The following PRKG1 variants were observed in gnomAD, a reference collection of about 807,000 sequenced individuals.
The protein encoded by PRKG1 is protein kinase cGMP-dependent 1, also known as cGMP-dependent protein kinase 1.
A neutral mutation model predicts 88.1 loss-of-function variants in PRKG1; 35 were observed. The ratio of observed to expected loss-of-function variants is 0.40; its 90% confidence interval spans 0.30 to 0.53. The LOEUF is 0.53. PRKG1 is among the 20% of genes least tolerant of loss of function. PRKG1 has a pLI of 0.59. For synonymous variants in PRKG1, 303 were observed against 292.5 expected, an observed-to-expected ratio of 1.04 and a Z score of -0.37; for missense variants, 540 against 839.8, an observed-to-expected ratio of 0.64 and a Z score of 4.41.
At chr10:51,079,238 G>T (rs1844044711) in intron 1 of PRKG1, among the ~76,000 whole-genome samples, 1 of 152,146 alleles carries the variant, frequency 6.6e-6, no homozygotes, top group African/African-American at 2.4e-5. Context: ...TGAACAAGGG[G>T]TTAACAATAC....
chr10:51,448,374 T>TA (rs1371534185), intron 2 of PRKG1, among the ~76,000 whole-genome samples: 2 of 152,108 alleles, frequency 1.3e-5, no homozygotes, highest in Non-Finnish European at 2.9e-5. Context: ...ATCCACATCT[T>TA]ACCACAGATG....
In PRKG1 at chr10:51,409,625, A is replaced by T. The variant is rs926523902; in HGVS notation, c.479-58098A>T. Among the ~76,000 whole-genome samples the T allele has an allele frequency of 3.9e-5, 6 of 151,908 alleles. No individual in the cohort carries two copies. In the South Asian group the frequency reaches 6.2e-4, roughly 16 times the overall value. On this transcript the variant is annotated intron_variant, in intron 2 of 17. Transcript: ENST00000373980. ...TAATACCAACACGGGGAGGCTGAGG[A>T]GGGTGGATCATGAGGTCAGGAGATC...
chr10:51,097,066 G>A (rs1844547460), intron 1 of PRKG1, among the ~76,000 whole-genome samples: 1 of 152,092 alleles, frequency 6.6e-6, no homozygotes, highest in Non-Finnish European at 1.5e-5. Context: ...CAAATGTTAG[G>A]TCTCAGCCTA....
chr10:51,676,094 A>T (rs926158606), intron 3 of PRKG1, among the ~76,000 whole-genome samples: 1 of 152,032 alleles, frequency 6.6e-6, no homozygotes, highest in Non-Finnish European at 1.5e-5. Context: ...AAATAGTGAG[A>T]CTTATTTCTA....
intron 3 of PRKG1, among the ~76,000 whole-genome samples, chr10:51,554,329 C>CTGTATATATAATATGT (rs1837249316): frequency 8.0e-6 from 1 of 125,492 alleles, no homozygotes; most frequent in Admixed American, 8.3e-5. Context: ...AATATATACA[C>CTGTATATATAATATGT]ACATATATTA....
chr10:51,193,946 C>G (rs1218396843), intron 2 of PRKG1, among the ~76,000 whole-genome samples: 1 of 152,162 alleles, frequency 6.6e-6, no homozygotes, highest in Non-Finnish European at 1.5e-5. Context: ...CACTGCAAGA[C>G]TCTTGCTGGG....
intron 2 of PRKG1, among the ~76,000 whole-genome samples, chr10:51,457,848 C>T (rs968746144): frequency 6.6e-6 from 1 of 152,110 alleles, no homozygotes; most frequent in Non-Finnish European, 1.5e-5. Flanking sequence ...ATTCTTGAGT[C>T]CTCCTTATTT....
chr10:51,447,540 C>T (rs947257444), intron 2 of PRKG1, among the ~76,000 whole-genome samples: 10 of 152,024 alleles, frequency 6.6e-5, no homozygotes, highest in Admixed American at 2.0e-4. Context: ...AACTTAAAAC[C>T]TCCCACTGCT....
At chr10:51,925,702 T>C (rs1305593428) in intron 5 of PRKG1, among the ~76,000 whole-genome samples, 1 of 152,152 alleles carries the variant, frequency 6.6e-6, no homozygotes, top group Non-Finnish European at 1.5e-5. Flanking sequence ...AGATTTATGA[T>C]GAAGACCCAT....
intron 2 of PRKG1, among the ~76,000 whole-genome samples, chr10:51,182,456 T>C (rs1269217901): frequency 6.6e-6 from 1 of 152,172 alleles, no homozygotes; most frequent in African/African-American, 2.4e-5. Flanking sequence ...CCTTTAGCAA[T>C]AGATCTTTGC....
intron 3 of PRKG1, among the ~76,000 whole-genome samples, chr10:51,576,627 A>G (rs1837894556): frequency 6.6e-6 from 1 of 151,964 alleles, no homozygotes; most frequent in Non-Finnish European, 1.5e-5. Context: ...TGGCACATCC[A>G]TCTAAGCAAC....
chr10:52,260,465 T>C (rs1011428052), intron 10 of PRKG1, among the ~76,000 whole-genome samples: 1 of 152,168 alleles, frequency 6.6e-6, no homozygotes, highest in Non-Finnish European at 1.5e-5. Flanking sequence ...CTCTGTTTCA[T>C]TTCAACTCAT....
chr10:52,011,739 G>A lies in PRKG1; in HGVS notation c.763-42745G>A, dbSNP rs1028810504. ...TTCTAGTCACCTCTTGATATGGTTT[G>A]GCTCTGTGTCCCCACCCAAATTGCA... On this transcript the variant is annotated intron_variant, in intron 5 of 17. Transcript: ENST00000373980. Among the ~76,000 whole-genome samples, 104 of 152,108 alleles carry A rather than the reference G, an allele frequency of 6.8e-4. 1 individual carries two copies. The highest frequency in any genetic ancestry group is 1.0e-4 in the Non-Finnish European group (7 of 68,030).
intron 3 of PRKG1, among the ~76,000 whole-genome samples, chr10:51,569,340 G>T (rs747492887): frequency 1.3e-5 from 2 of 151,980 alleles, no homozygotes; most frequent in Non-Finnish European, 2.9e-5. Flanking sequence ...GTTTGATACG[G>T]TTTGTCTTAG....
intron 3 of PRKG1, among the ~76,000 whole-genome samples, chr10:51,501,070 T>G (rs1841011712): frequency 6.6e-6 from 1 of 152,124 alleles, no homozygotes; most frequent in Admixed American, 6.5e-5. Context: ...CCTTCCCTGG[T>G]TCCTGTCTTT....
chr10:52,126,887 C>T (rs2132622018), intron 7 of PRKG1, among the ~76,000 whole-genome samples: 1 of 152,288 alleles, frequency 6.6e-6, no homozygotes, highest in South Asian at 2.1e-4. Flanking sequence ...GTTGGAGGAC[C>T]TCTAACTATA....
At chr10:51,838,019 C>G (rs1367702541) in intron 4 of PRKG1, among the ~76,000 whole-genome samples, 1 of 152,038 alleles carries the variant, frequency 6.6e-6, no homozygotes, top group Non-Finnish European at 1.5e-5. Flanking sequence ...TGACTCTTAT[C>G]TGGGAAAGTC....
intron 1 of PRKG1, among the ~76,000 whole-genome samples, chr10:51,116,508 A>G (rs9299466): frequency 0.8 from 121,191 of 152,034 alleles, 48,876 homozygotes; most frequent in South Asian, 0.88. Context: ...GATTAAAGCC[A>G]TTTGAAATCA....
At chr10:52,252,321 G>T (rs567836796) in intron 10 of PRKG1, 1 of 152,014 alleles carries the variant, frequency 6.6e-6, no homozygotes, top group African/African-American at 2.4e-5. Context: ...ATATGAAAAC[G>T]TACTCTACTT....
Sources: allele counts gnomAD v4.1 joint callset (sites outside exome capture counted in the v4.1 genomes callset), GRCh38; gene constraint gnomAD v4.1.1; transcripts MANE v1.5; gene names NCBI Gene and HGNC (gene_info 2026-07-23, HGNC 2026-07-21).